EYS: variants seen among roughly 807,000 people sequenced by gnomAD.
The protein encoded by EYS is protein eyes shut homolog.
Under a neutral mutation model 282.1 loss-of-function variants are expected in EYS, and 250 were observed. The ratio of observed to expected loss-of-function variants is 0.89; its 90% CI spans 0.80 to 0.98. EYS has a LOEUF of 0.98. Among genes scored for constraint, EYS ranks in the 50% least tolerant of loss-of-function variants. The probability of loss-of-function intolerance (pLI) is 0.00; values close to 1 mark genes in which losing one functional copy is unlikely to be tolerated. For missense variants in EYS, 4,016 were observed against 3,709.0 expected (o/e 1.08, Z -2.15); for synonymous variants, 1,355 against 1,282.9 (o/e 1.06, Z -1.20).
chr6:64,824,371 T>G (rs114935784), intron 19 of EYS, among the ~76,000 whole-genome samples: 1,806 of 152,018 alleles, frequency 0.012, 38 homozygotes, highest in African/African-American at 0.041. Context: ...TGTAAATGAG[T>G]GTTACTTATT....
At chr6:64,178,915 G>A (rs1334343495) in intron 31 of EYS, among the ~76,000 whole-genome samples, 1 of 151,682 alleles carries the variant, frequency 6.6e-6, no homozygotes. Flanking sequence ...AGGCAAGAAT[G>A]TTGGCTTTTT....
At chr6:64,470,188 C>G (rs1257624941) in intron 26 of EYS, among the ~76,000 whole-genome samples, 1 of 152,164 alleles carries the variant, frequency 6.6e-6, no homozygotes, top group Non-Finnish European at 1.5e-5. Flanking sequence ...TGTCTTTTCT[C>G]TCTTTGTCTT....
intron 29 of EYS, among the ~76,000 whole-genome samples, chr6:64,340,712 G>C (rs1205399914): frequency 6.6e-6 from 1 of 151,714 alleles, no homozygotes; most frequent in African/African-American, 2.4e-5. Context: ...ACCAAAAACT[G>C]ATAAGTGAGG....
chr6:65,230,011 G>T (rs1766727156), intron 12 of EYS, among the ~76,000 whole-genome samples: 1 of 151,870 alleles, frequency 6.6e-6, no homozygotes, highest in Non-Finnish European at 1.5e-5. Flanking sequence ...AAGGGGAAAT[G>T]AAAAGAAAAC....
chr6:65,669,276 T>C (rs996211576), intron 1 of EYS, among the ~76,000 whole-genome samples: 1 of 151,878 alleles, frequency 6.6e-6, no homozygotes, highest in South Asian at 2.1e-4. Context: ...ACAAAGTAGA[T>C]GATATATTCA....
intron 30 of EYS, among the ~76,000 whole-genome samples, chr6:64,286,289 G>GTTTA (rs1251800695): frequency 1.3e-5 from 2 of 152,134 alleles, no homozygotes; most frequent in African/African-American, 4.8e-5. Context: ...AGTTGAAAGA[G>GTTTA]TTTAAACTTT....
chr6:64,737,838 A>G (rs1249002435), intron 22 of EYS, among the ~76,000 whole-genome samples: 1 of 152,178 alleles, frequency 6.6e-6, no homozygotes, highest in Non-Finnish European at 1.5e-5. Context: ...CATTCTCAAG[A>G]GGTCACAGTT....
chr6:65,211,417 C>G (rs1425263398), intron 12 of EYS, among the ~76,000 whole-genome samples: 4 of 151,938 alleles, frequency 2.6e-5, no homozygotes, highest in Non-Finnish European at 4.4e-5. Context: ...TGCAAACCAT[C>G]TATTGGCATA....
chr6:64,672,369 G>A (rs941125913), intron 22 of EYS, among the ~76,000 whole-genome samples: 18 of 152,116 alleles, frequency 1.2e-4, no homozygotes, highest in Admixed American at 2.0e-4. Flanking sequence ...TTTTTCCCCT[G>A]TCATGAACTC....
chr6:65,644,167 A>C (rs1767376256), intron 1 of EYS, among the ~76,000 whole-genome samples: 1 of 152,180 alleles, frequency 6.6e-6, no homozygotes, highest in South Asian at 2.1e-4. Flanking sequence ...GAAATCAAAA[A>C]CATGATACAG....
intron 19 of EYS, among the ~76,000 whole-genome samples, chr6:64,856,846 G>T (rs1307647202): frequency 1.3e-5 from 2 of 151,362 alleles, no homozygotes; most frequent in Non-Finnish European, 1.5e-5. Flanking sequence ...GCCAACCCTA[G>T]GTAACTTAGG....
rs186138092 is a variant in EYS at position 64,024,456 on chromosome 6, C to T, written c.6726-25273G>A. ...CAGCACCCTGTCAAAACAGACCACT[C>T]GGCTCTACCAATCAGCAGGATGTGG... is the stretch of plus-strand genomic sequence containing the variant. On this transcript the variant is annotated intron_variant, in intron 33 of 42. Coordinates refer to ENST00000503581, the MANE Select transcript of EYS (RefSeq NM_001142800.2). 2.0e-3 allele frequency among the ~76,000 whole-genome samples: 297 copies of T among 152,198 alleles called. 1 individual carries two copies. Among genetic ancestry groups the T allele is most frequent in the African/African-American group, 6.7e-3 (278 of 41,538 alleles).
chr6:65,431,711 C>G (rs896663870), intron 5 of EYS, among the ~76,000 whole-genome samples: 1 of 151,906 alleles, frequency 6.6e-6, no homozygotes, highest in African/African-American at 2.4e-5. Flanking sequence ...ATATCTGTGT[C>G]ACATTATCTC....
At chr6:65,370,580 C>T (rs1325860321) in intron 8 of EYS, among the ~76,000 whole-genome samples, 1 of 151,682 alleles carries the variant, frequency 6.6e-6, no homozygotes, top group Non-Finnish European at 1.5e-5. Flanking sequence ...TATTTTTTGA[C>T]ATAAAACCAT....
At chr6:64,643,112 T>TC (rs34581754) in intron 22 of EYS, among the ~76,000 whole-genome samples, 27,363 of 142,602 alleles carry the variant, frequency 0.19, 2,974 homozygotes, top group East Asian at 0.34. Context: ...TGAAACTCCA[T>TC]CCCCCCCCCC....
At chr6:64,565,941 GA>G (rs1765554078) in intron 26 of EYS, among the ~76,000 whole-genome samples, 2 of 138,968 alleles carry the variant, frequency 1.4e-5, no homozygotes, top group African/African-American at 5.3e-5. Context: ...AAAAGAAAAA[GA>G]AATCATACAA....
intron 28 of EYS, among the ~76,000 whole-genome samples, chr6:64,390,667 A>T (rs1327915878): frequency 6.7e-6 from 1 of 149,128 alleles, no homozygotes; most frequent in African/African-American, 2.6e-5. Flanking sequence ...AACCACAAAG[A>T]TGGGGAAAAA....
chr6:64,906,447 G>A (rs1471055978), intron 16 of EYS, among the ~76,000 whole-genome samples: 3 of 152,100 alleles, frequency 2.0e-5, no homozygotes, highest in African/African-American at 7.2e-5. Flanking sequence ...GTCAACAGGA[G>A]TAATTTCTAA....
At chr6:65,137,819 T>A (rs1776066465) in intron 12 of EYS, among the ~76,000 whole-genome samples, 1 of 152,142 alleles carries the variant, frequency 6.6e-6, no homozygotes, top group African/African-American at 2.4e-5. Flanking sequence ...TGTTTGGTTA[T>A]AAATATGTTG....
Sources: gnomAD v4.1 joint callset for allele counts (sites outside exome capture counted in the v4.1 genomes callset) on GRCh38, gnomAD v4.1.1 for gene constraint, MANE v1.5 for transcripts, NCBI Gene and HGNC (gene_info 2026-07-23, HGNC 2026-07-21) for gene names.